Variants in FUT9 observed in about 807,000 individuals in gnomAD.
The protein encoded by FUT9 is 4-galactosyl-N-acetylglucosaminide 3-alpha-L-fucosyltransferase 9.
In FUT9, 15 loss-of-function variants were observed where a neutral mutation model predicts 29.7. That is an observed-to-expected ratio of 0.51 (90% CI 0.34 to 0.78). The LOEUF (loss-of-function observed/expected upper bound fraction) is 0.78, where lower values mean the gene tolerates loss of function less well. FUT9 is among the 30% of genes least tolerant of loss of function. The pLI is 0.01. For missense variants in FUT9, 319 were observed against 425.4 expected (o/e 0.75, Z 2.20); for synonymous variants, 169 against 153.7 (o/e 1.10, Z -0.74).
chr6:96,194,807 G>A (rs575678968), intron 2 of FUT9, among the ~76,000 whole-genome samples: 1 of 152,150 alleles, frequency 6.6e-6, no homozygotes, highest in South Asian at 2.1e-4. Flanking sequence ...TGGCCTCAAA[G>A]GGTGCTGGAA....
chr6:96,140,764 A>G (rs974992146), intron 2 of FUT9, among the ~76,000 whole-genome samples: 2 of 152,186 alleles, frequency 1.3e-5, no homozygotes, highest in African/African-American at 2.4e-5. Context: ...TTATGATTCA[A>G]TTACCTCAGT....
At chr6:96,171,637 T>C (rs547618325) in intron 2 of FUT9, among the ~76,000 whole-genome samples, 2 of 152,318 alleles carry the variant, frequency 1.3e-5, no homozygotes, top group East Asian at 3.9e-4. Context: ...GACTCTTATT[T>C]TTCTGGAGCA....
intron 2 of FUT9, among the ~76,000 whole-genome samples, chr6:96,150,386 T>A (rs1242766283): frequency 6.6e-6 from 1 of 151,738 alleles, no homozygotes; most frequent in Non-Finnish European, 1.5e-5. Flanking sequence ...GAGAAGGAGG[T>A]GTGAGGCACC....
intron 2 of FUT9, among the ~76,000 whole-genome samples, chr6:96,163,383 T>C (rs1464230150): frequency 1.3e-5 from 2 of 152,004 alleles, no homozygotes; most frequent in Non-Finnish European, 2.9e-5. Flanking sequence ...TTTGAGTTAT[T>C]GCGGATGAAC....
intron 1 of FUT9, among the ~76,000 whole-genome samples, chr6:96,026,332 T>C (rs1770167850): frequency 1.3e-5 from 2 of 151,620 alleles, no homozygotes; most frequent in Admixed American, 6.6e-5. Context: ...TTCACTAAGA[T>C]AGAAAATAAG....
intron 1 of FUT9, among the ~76,000 whole-genome samples, chr6:96,050,837 C>T (rs1770653617): frequency 6.6e-6 from 1 of 152,102 alleles, no homozygotes; most frequent in Admixed American, 6.6e-5. Flanking sequence ...TTTTACATTA[C>T]AATGCAGTTT....
chr6:96,127,463 C>T (rs919228035), intron 2 of FUT9, among the ~76,000 whole-genome samples: 2 of 152,082 alleles, frequency 1.3e-5, no homozygotes, highest in South Asian at 4.2e-4. Flanking sequence ...AGGTTTATTC[C>T]GTGTCTTTGG....
intron 1 of FUT9, among the ~76,000 whole-genome samples, chr6:96,065,777 T>C (rs1770952124): frequency 1.3e-5 from 2 of 152,170 alleles, no homozygotes; most frequent in Admixed American, 1.3e-4. Flanking sequence ...TTTGGTCCTC[T>C]ATGACATAAA....
intron 2 of FUT9, among the ~76,000 whole-genome samples, chr6:96,136,888 T>G (rs1772358308): frequency 6.6e-6 from 1 of 152,012 alleles, no homozygotes. Context: ...TAGTATCCCT[T>G]AAGAATATCA....
At chr6:96,195,053 T>C (rs548619910) in intron 2 of FUT9, among the ~76,000 whole-genome samples, 1 of 152,210 alleles carries the variant, frequency 6.6e-6, no homozygotes. Flanking sequence ...AAGAGGCTAA[T>C]CCCTGAATTT....
intron 1 of FUT9, among the ~76,000 whole-genome samples, chr6:96,065,627 A>T (rs1002769153): frequency 6.6e-6 from 1 of 152,208 alleles, no homozygotes; most frequent in Non-Finnish European, 1.5e-5. Flanking sequence ...AATTAAAAAA[A>T]ATTGTTAGCA....
chr6:96,030,771 A>G (rs1472295228), intron 1 of FUT9, among the ~76,000 whole-genome samples: 1 of 151,592 alleles, frequency 6.6e-6, no homozygotes, highest in Non-Finnish European at 1.5e-5. Flanking sequence ...TGGTATATTC[A>G]TACAATGACA....
chr6:96,142,282 A>G (rs943527058), intron 2 of FUT9, among the ~76,000 whole-genome samples: 1 of 152,242 alleles, frequency 6.6e-6, no homozygotes, highest in African/African-American at 2.4e-5. Context: ...GAGTAATCTC[A>G]TATCTTGAGA....
chr6:96,023,221 T>C (rs1192376278), intron 1 of FUT9, among the ~76,000 whole-genome samples: 1 of 151,950 alleles, frequency 6.6e-6, no homozygotes, highest in African/African-American at 2.4e-5. Flanking sequence ...GAGACAGCAG[T>C]TTTTCTTTGA....
chr6:96,084,842 T>C (rs1771289947), intron 1 of FUT9, among the ~76,000 whole-genome samples: 1 of 152,192 alleles, frequency 6.6e-6, no homozygotes, highest in Admixed American at 6.5e-5. Context: ...TAATGTTTGA[T>C]ATACATCCCT....
intron 1 of FUT9, among the ~76,000 whole-genome samples, chr6:96,102,899 A>G (rs918624763): frequency 3.3e-5 from 5 of 152,184 alleles, no homozygotes; most frequent in Non-Finnish European, 7.4e-5. Context: ...AATGTGTGAC[A>G]TGCTGTGCCA....
chr6:96,129,848 G>A (rs1772209126), intron 2 of FUT9, among the ~76,000 whole-genome samples: 1 of 151,980 alleles, frequency 6.6e-6, no homozygotes, highest in Admixed American at 6.5e-5. Context: ...GTGAGTAAAT[G>A]TTTTCAGAAA....
chr6:96,079,281 A>G (rs1771196272), intron 1 of FUT9, among the ~76,000 whole-genome samples: 1 of 152,140 alleles, frequency 6.6e-6, no homozygotes, highest in Non-Finnish European at 1.5e-5. Context: ...TCAAATACTG[A>G]GCTTTTTGGA....
chr6:96,129,637 C>A (rs1203133333), intron 2 of FUT9, among the ~76,000 whole-genome samples: 1 of 151,792 alleles, frequency 6.6e-6, no homozygotes, highest in East Asian at 1.9e-4. Context: ...ATATGACACA[C>A]TGAAACAAAA....
Sources: allele counts gnomAD v4.1 joint callset (sites outside exome capture counted in the v4.1 genomes callset), GRCh38; gene constraint gnomAD v4.1.1; transcripts MANE v1.5; gene names NCBI Gene and HGNC (gene_info 2026-07-23, HGNC 2026-07-21).